BICDL1: variants seen among roughly 807,000 people sequenced by gnomAD.
BICDL1 encodes BICD family-like cargo adapter 1.
Under a neutral mutation model 76.8 loss-of-function variants are expected in BICDL1, and 20 were observed. That is an observed-to-expected ratio of 0.26 (90% confidence interval 0.18 to 0.38). BICDL1 has a LOEUF of 0.38. Ranked by LOEUF, BICDL1 falls within the 10% of genes least tolerant of loss-of-function variation. BICDL1 has a pLI of 1.00. For synonymous variants in BICDL1, 383 were observed against 337.1 expected (o/e 1.14, Z -1.49); for missense variants, 700 against 798.6 (o/e 0.88, Z 1.49).
chr12:120,092,963 C>G, intron 9 of BICDL1, 37 bp from the exon 10 acceptor site: 1 of 1,509,068 alleles, frequency 6.6e-7, no homozygotes, highest in Non-Finnish European at 8.9e-7. Context: ...GTGAGAGCAG[C>G]TACTCAGTCC....
At chr12:120,018,303 C>T (rs990200488) in intron 2 of BICDL1, among the ~76,000 whole-genome samples, 1 of 152,062 alleles carries the variant, frequency 6.6e-6, no homozygotes, top group East Asian at 1.9e-4. Flanking sequence ...CTGTTCTTGC[C>T]CAATTTAGTA....
intron 3 of BICDL1, among the ~76,000 whole-genome samples, chr12:120,062,368 G>C (rs4767876): frequency 0.13 from 20,191 of 152,082 alleles, 1,675 homozygotes; most frequent in East Asian, 0.4. Flanking sequence ...GAACAATACT[G>C]TGAGAACCTG....
chr12:120,041,698 G>A (rs558441073), intron 2 of BICDL1, among the ~76,000 whole-genome samples: 16 of 152,300 alleles, frequency 1.1e-4, no homozygotes, highest in Middle Eastern at 3.4e-3. Context: ...CCCGAGTGGA[G>A]TGCAGGAACA....
chr12:120,008,465 T>C (rs1020278900), intron 2 of BICDL1, among the ~76,000 whole-genome samples: 2 of 152,160 alleles, frequency 1.3e-5, no homozygotes, highest in Admixed American at 6.5e-5. Context: ...AGCCAATAGT[T>C]ACTCTTTATT....
chr12:120,073,861 G>A (rs1015342132), intron 6 of BICDL1, among the ~76,000 whole-genome samples: 3 of 152,202 alleles, frequency 2.0e-5, no homozygotes, highest in Non-Finnish European at 2.9e-5. Context: ...TTTCCCCCAA[G>A]CCTGAAACAA....
chr12:119,990,977 G>A (rs1454861647), intron 1 of BICDL1, among the ~76,000 whole-genome samples: 1 of 152,226 alleles, frequency 6.6e-6, no homozygotes, highest in African/African-American at 2.4e-5. Context: ...TGCAACCTAT[G>A]AGAACCATAT....
intron 2 of BICDL1, among the ~76,000 whole-genome samples, chr12:120,036,630 C>G (rs1238063560): frequency 6.6e-6 from 1 of 152,154 alleles, no homozygotes; most frequent in African/African-American, 2.4e-5. Flanking sequence ...AATCCCAGCA[C>G]TCTGGAAGGC....
At chr12:120,075,067 T>TC (rs1380752044) in intron 7 of BICDL1, among the ~76,000 whole-genome samples, 3 of 152,202 alleles carry the variant, frequency 2.0e-5, no homozygotes, top group Admixed American at 1.3e-4. Context: ...CACGATTTCA[T>TC]CTCTCTAGAG....
chr12:119,999,062 GAAA>G (rs10658480), intron 2 of BICDL1, among the ~76,000 whole-genome samples: 4 of 95,246 alleles, frequency 4.2e-5, no homozygotes, highest in South Asian at 4.0e-4. Context: ...GCCTGTCTCG[GAAA>G]AAAAAAAAAA....
At chr12:120,016,020 C>T (rs1773789117) in intron 2 of BICDL1, among the ~76,000 whole-genome samples, 1 of 152,152 alleles carries the variant, frequency 6.6e-6, no homozygotes. Context: ...TCTGCTACCC[C>T]AAAAAGTTCC....
At position 120,072,567 on chromosome 12, in the gene BICDL1, T is replaced by C. The variant is rs1335407649; in HGVS notation, c.1146T>C (p.Leu382=). The C allele has an allele frequency of 1.2e-6, 2 of 1,614,078 alleles. No homozygotes were observed. Among genetic ancestry groups the C allele is most frequent in the Admixed American group, 1.7e-5 (1 of 60,006 alleles). Residue 382 remains leucine (L), a synonymous_variant, in exon 6 of 10, where the codon CTT becomes CTC. Transcript: ENST00000548673. The stretch of plus-strand genomic sequence containing the variant: ...AGGTTCGCTATCTGTGCTCACACCT[T>C]CGAGGCAATGACAGTGCTGACTCAG... ...YCQVRYLCSH[L]RGNDSADSAV...
chr12:120,076,100 A>C (rs1031728725), intron 7 of BICDL1, among the ~76,000 whole-genome samples: 2 of 152,224 alleles, frequency 1.3e-5, no homozygotes, highest in Admixed American at 6.5e-5. Context: ...CGGAGGTTGC[A>C]ATGAGTTGAG....
intron 8 of BICDL1, among the ~76,000 whole-genome samples, chr12:120,087,476 C>T (rs1263140296): frequency 2.0e-5 from 3 of 152,226 alleles, no homozygotes; most frequent in Non-Finnish European, 2.9e-5. Context: ...CTTTTTCTGG[C>T]CGCACTTCGG....
At chr12:120,025,261 A>G (rs1026603679) in intron 2 of BICDL1, among the ~76,000 whole-genome samples, 13 of 152,010 alleles carry the variant, frequency 8.6e-5, no homozygotes, top group Admixed American at 4.6e-4. Context: ...CGTGTTAGCC[A>G]GGATGGTCTT....
intron 9 of BICDL1, 58 bp from the exon 10 acceptor site, chr12:120,092,942 C>A: frequency 1.3e-6 from 2 of 1,494,546 alleles, no homozygotes; most frequent in African/African-American, 1.4e-5. Context: ...CCTGTCCAGC[C>A]CCAGGGTTAG....
At chr12:120,087,590 G>A (rs903549665) in intron 8 of BICDL1, among the ~76,000 whole-genome samples, 1 of 152,212 alleles carries the variant, frequency 6.6e-6, no homozygotes, top group African/African-American at 2.4e-5. Context: ...TGTACAAGGA[G>A]CATGCTTTTG....
At position 120,089,953 on chromosome 12, in the gene BICDL1, A is replaced by G; in HGVS notation, c.1586A>G (p.Lys529Arg). 2 of 1,614,014 alleles carry G rather than the reference A, an allele frequency of 1.2e-6. No homozygotes were observed. The highest frequency in any genetic ancestry group is 1.7e-6 in the Non-Finnish European group (2 of 1,179,934). The change falls in exon 9 of 10, where the codon AAG (lysine) becomes AGG (arginine). Residue 529 changes from lysine (K) to arginine (R), a missense_variant and splice_region_variant. Transcript: ENST00000548673. The stretch of plus-strand genomic sequence containing the variant: ...CACCCTGGCTTGTCTGTTCTCAGGA[A>G]GAATGCTGTGGAGCTGGAACTTGCC... ...IRDRDEAIAK[K>R]NAVELELAKC...
intron 9 of BICDL1, chr12:120,092,049 C>G: frequency 1.0e-6 from 1 of 985,468 alleles, no homozygotes; most frequent in South Asian, 4.7e-5. Context: ...AGGAATCGAG[C>G]AGACACATGT....
chr12:120,003,849 G>T (rs1175507930), intron 2 of BICDL1, among the ~76,000 whole-genome samples: 2 of 152,182 alleles, frequency 1.3e-5, no homozygotes, highest in Non-Finnish European at 2.9e-5. Flanking sequence ...GAGCCTTTTA[G>T]CTTTTACAAA....
Sources: gnomAD v4.1 joint callset for allele counts (sites outside exome capture counted in the v4.1 genomes callset) on GRCh38, gnomAD v4.1.1 for gene constraint, MANE v1.5 for transcripts, NCBI Gene and HGNC (gene_info 2026-07-23, HGNC 2026-07-21) for gene names.